The following LSAMP variants were observed in gnomAD, a reference collection of about 807,000 sequenced individuals.
LSAMP encodes limbic system-associated membrane protein.
In LSAMP, 7 loss-of-function variants were observed where a neutral mutation model predicts 38.6. The ratio of observed to expected loss-of-function variants is 0.18; its 90% CI spans 0.10 to 0.34. LSAMP has a LOEUF of 0.34. Among genes scored for constraint, LSAMP ranks in the 10% least tolerant of loss-of-function variants. The probability of loss-of-function intolerance (pLI) is 1.00; values close to 1 mark genes in which losing one functional copy is unlikely to be tolerated. For missense variants in LSAMP, 313 were observed against 420.0 expected (o/e 0.75, Z 2.23); for synonymous variants, 154 against 166.8 (o/e 0.92, Z 0.59).
Position 115,988,079 on chromosome 3 carries a change from G to C in LSAMP, c.514+31436C>G, listed in dbSNP as rs547992895. On this transcript the variant is annotated intron_variant, in intron 3 of 6. Transcript: ENST00000490035. ...TTCATGATCCCATCTCCTCTGCAAAGATGAGAAGACTCATCTCATCTAAAA... is the reference window on the plus strand; with the variant it reads ...TTCATGATCCCATCTCCTCTGCAAACATGAGAAGACTCATCTCATCTAAAA... Among the ~76,000 whole-genome samples the C allele has an allele frequency of 1.6e-4, 24 of 152,218 alleles. No homozygotes were observed. In the South Asian group the frequency reaches 3.9e-3, roughly 25 times the overall value.
intron 1 of LSAMP, among the ~76,000 whole-genome samples, chr3:116,347,627 T>C (rs1221320147): frequency 6.6e-6 from 1 of 152,034 alleles, no homozygotes; most frequent in Non-Finnish European, 1.5e-5. Context: ...TATTTTAGAA[T>C]AACTATGAGG....
At chr3:115,837,265 C>T (rs1244890183) in intron 6 of LSAMP, among the ~76,000 whole-genome samples, 3 of 151,380 alleles carry the variant, frequency 2.0e-5, no homozygotes, top group Admixed American at 2.0e-4. Context: ...ACACCTCCTA[C>T]ACACGGATGC....
At chr3:115,881,921 C>T (rs1936333857) in intron 3 of LSAMP, among the ~76,000 whole-genome samples, 1 of 152,066 alleles carries the variant, frequency 6.6e-6, no homozygotes, top group Non-Finnish European at 1.5e-5. Context: ...CACCTGGGGC[C>T]CTCTCTGGAG....
intron 1 of LSAMP, among the ~76,000 whole-genome samples, chr3:116,287,519 T>TATCA (rs1414050664): frequency 6.6e-6 from 1 of 152,160 alleles, no homozygotes; most frequent in African/African-American, 2.4e-5. Context: ...AATCTGGCTC[T>TATCA]ATCACTTACT....
At chr3:116,286,681 T>C (rs2047198338) in intron 1 of LSAMP, among the ~76,000 whole-genome samples, 2 of 152,108 alleles carry the variant, frequency 1.3e-5, no homozygotes, top group Admixed American at 6.5e-5. Context: ...ATCACATTTT[T>C]CCACAAGAAC....
chr3:116,153,604 A>C (rs1709673328), intron 1 of LSAMP, among the ~76,000 whole-genome samples: 1 of 152,162 alleles, frequency 6.6e-6, no homozygotes, highest in African/African-American at 2.4e-5. Flanking sequence ...TTGGCATTAG[A>C]TCAATTAGAT....
intron 1 of LSAMP, among the ~76,000 whole-genome samples, chr3:116,321,120 C>T (rs893218500): frequency 5.3e-5 from 8 of 152,126 alleles, no homozygotes; most frequent in Admixed American, 3.3e-4. Context: ...TACCTCTAAT[C>T]CCAACAATTT....
At chr3:116,324,492 C>A (rs2047744237) in intron 1 of LSAMP, among the ~76,000 whole-genome samples, 2 of 152,150 alleles carry the variant, frequency 1.3e-5, no homozygotes, top group Admixed American at 1.3e-4. Flanking sequence ...GACACAGTTT[C>A]TACTCCTGAT....
chr3:116,217,213 T>G (rs1337987664), intron 1 of LSAMP, among the ~76,000 whole-genome samples: 1 of 152,182 alleles, frequency 6.6e-6, no homozygotes, highest in South Asian at 2.1e-4. Flanking sequence ...AACACTTTAA[T>G]ATCAAGTCTC....
chr3:116,028,856 A>C (rs1028002345), intron 2 of LSAMP, among the ~76,000 whole-genome samples: 59 of 152,096 alleles, frequency 3.9e-4, no homozygotes, highest in Admixed American at 3.8e-3. Context: ...ATTAACAATA[A>C]ATTACCCCAA....
At chr3:115,869,755 T>C (rs1357506550) in intron 3 of LSAMP, among the ~76,000 whole-genome samples, 1 of 152,120 alleles carries the variant, frequency 6.6e-6, no homozygotes, top group Non-Finnish European at 1.5e-5. Flanking sequence ...GGTGAATCAC[T>C]TGTAAAATGT....
chr3:116,432,845 ATGATCAGTG>A (rs535036659), intron 1 of LSAMP, among the ~76,000 whole-genome samples: 46 of 152,286 alleles, frequency 3.0e-4, no homozygotes, highest in African/African-American at 7.7e-4. Context: ...TGTTGTGGTG[ATGATCAGTG>A]CATCATATTA....
chr3:116,099,376 G>T (rs889625337), intron 1 of LSAMP, among the ~76,000 whole-genome samples: 9 of 152,176 alleles, frequency 5.9e-5, no homozygotes, highest in Admixed American at 5.9e-4. Flanking sequence ...GGGAGGGAAA[G>T]AGCTGAATCT....
chr3:116,443,544 A>G (rs2049465041), intron 1 of LSAMP, among the ~76,000 whole-genome samples: 3 of 152,188 alleles, frequency 2.0e-5, no homozygotes, highest in South Asian at 4.1e-4. Context: ...AAAGCAGGAC[A>G]CTGTGACAGC....
intron 3 of LSAMP, among the ~76,000 whole-genome samples, chr3:115,959,960 G>A (rs1465038043): frequency 6.6e-6 from 1 of 152,150 alleles, no homozygotes; most frequent in African/African-American, 2.4e-5. Flanking sequence ...GTGGCAAAGG[G>A]AATATAGAGA....
At chr3:116,213,478 A>G (rs1355137746) in intron 1 of LSAMP, among the ~76,000 whole-genome samples, 3 of 152,228 alleles carry the variant, frequency 2.0e-5, no homozygotes, top group African/African-American at 7.2e-5. Flanking sequence ...AAGTCCACTA[A>G]GCCTCTTTCT....
intron 3 of LSAMP, among the ~76,000 whole-genome samples, chr3:115,929,101 A>G (rs1332487637): frequency 6.6e-6 from 1 of 151,536 alleles, no homozygotes; most frequent in Non-Finnish European, 1.5e-5. Context: ...GTGTCCCTAG[A>G]GCCTACCAGG....
chr3:116,074,844 C>CTTTT lies in LSAMP; in HGVS notation c.388+11476_388+11479dup, dbSNP rs1161460100. Among the ~76,000 whole-genome samples, 8 of 128,382 alleles carry CTTTT rather than the reference C, an allele frequency of 6.2e-5. No individual in the cohort carries two copies. The South Asian group carries it at 1.7e-3, about 28-fold the overall frequency. The allele number at this position is 128,382 out of a possible 152,430, so 84.2% of individuals were successfully genotyped here. ...AAAGTTTAGTCATATTTTCTTTATT[C>CTTTT]TTTTTTTTTTTTTTTTTGAGATGAG... On this transcript the variant is annotated intron_variant, in intron 2 of 6. Coordinates refer to ENST00000490035, the MANE Select transcript of LSAMP (RefSeq NM_002338.5).
intron 2 of LSAMP, among the ~76,000 whole-genome samples, chr3:116,058,392 C>T (rs1169176333): frequency 6.6e-6 from 1 of 151,042 alleles, no homozygotes; most frequent in African/African-American, 2.4e-5. Context: ...CAGAGGAACA[C>T]TTAACATATT....
Sources: allele counts gnomAD v4.1 joint callset (sites outside exome capture counted in the v4.1 genomes callset), GRCh38; gene constraint gnomAD v4.1.1; transcripts MANE v1.5; gene names NCBI Gene and HGNC (gene_info 2026-07-23, HGNC 2026-07-21).